ARHGAP27: variants seen among roughly 807,000 people sequenced by gnomAD.
ARHGAP27 encodes the protein rho GTPase-activating protein 27.
In ARHGAP27, 53 loss-of-function variants were observed where a neutral mutation model predicts 102.0. That is an observed-to-expected ratio of 0.52 (90% confidence interval 0.42 to 0.65). The LOEUF (loss-of-function observed/expected upper bound fraction) is 0.65. Among genes scored for constraint, ARHGAP27 ranks in the 30% least tolerant of loss-of-function variants. ARHGAP27 has a pLI of 0.00. For missense variants in ARHGAP27, 1,117 were observed against 1,256.2 expected (o/e 0.89, Z 1.68); for synonymous variants, 525 against 542.8 (o/e 0.97, Z 0.46).
At chr17:45,408,909 A>G (rs945041305) in intron 4 of ARHGAP27, 4 of 152,220 alleles carry the variant, frequency 2.6e-5, no homozygotes, top group African/African-American at 9.7e-5. Context: ...GAGCAAGACT[A>G]AGGATAATGT....
In ARHGAP27 at chr17:45,394,673, C is replaced by T. The variant is rs939906248; in HGVS notation, c.*783G>A. ...AGGAGCCTTTTCTGGGGAATGAGGT[C>T]ACTCACTGGACCTTGAGCAAGTCAC... On this transcript the variant is annotated 3_prime_UTR_variant, in exon 20 of 20. Transcript: ENST00000685559. The T allele has an allele frequency of 2.0e-5, 3 of 152,354 alleles. No homozygotes were observed. The highest frequency in any genetic ancestry group is 3.8e-4 in the East Asian group (2 of 5,204). The allele number at this position is 152,354 out of a possible 1,614,324, so 9.4% of individuals were successfully genotyped here.
chr17:45,404,641 T>C lies in ARHGAP27; in HGVS notation c.1289A>G (p.Tyr430Cys), dbSNP rs747027600. 1.8e-5 allele frequency: 29 copies of C among 1,613,074 alleles called. No homozygotes were observed. Among genetic ancestry groups the C allele is most frequent in the Non-Finnish European group, 2.4e-5 (28 of 1,179,754 alleles). ...TCGAACAGAGGAGTCCTCTGGATTG[T>C]AGAAGTATGGCTTCCCGTGGGGGTC... ...LEDPHGKPYFYNPEDSSVRWE... is the reference protein window; with the variant it reads ...LEDPHGKPYFCNPEDSSVRWE... Residue 430 changes from tyrosine (Y) to cysteine (C), a missense_variant, in exon 7 of 20, where the codon TAC becomes TGC. Transcript: ENST00000685559.
chr17:45,411,405 C>T (rs2047893904), intron 4 of ARHGAP27, among the ~76,000 whole-genome samples: 1 of 152,046 alleles, frequency 6.6e-6, no homozygotes, highest in South Asian at 2.1e-4. Context: ...CCCTTCCACT[C>T]TAGGCCCATT....
At chr17:45,397,895 C>A in intron 13 of ARHGAP27, 54 bp downstream of exon 13, 1 of 1,505,610 alleles carries the variant, frequency 6.6e-7, no homozygotes, top group Non-Finnish European at 9.1e-7. Context: ...GAGGGCCCCA[C>A]TCATAATGGC....
chr17:45,410,453 T>G, intron 4 of ARHGAP27: 46 of 1,176,302 alleles, frequency 3.9e-5, no homozygotes, highest in East Asian at 1.7e-4. Context: ...GCGGAAGTGC[T>G]GCCTGAGTTG....
chr17:45,405,022 G>C lies in ARHGAP27; in HGVS notation c.1150C>G (p.Pro384Ala), dbSNP rs2046962071. ...DYSPVGSFGE[P>A]GPTSPLTTPP... ...GTGGTCAAGGGAGAGGTAGGGCCGG[G>C]CTCACCGAAAGAGCCCACGGGAGAA... Residue 384 changes from proline to alanine, a missense_variant, in exon 6 of 20, where the codon CCC becomes GCC. Pro to Ala is a conservative substitution (Grantham distance 27). This residue lies in a region of ARHGAP27 where 610 missense variants were observed against 716.4 expected (regional missense o/e 0.85). Coordinates refer to ENST00000685559, the MANE Select transcript of ARHGAP27 (RefSeq NM_001282290.2). 7 of 1,613,954 alleles carry C rather than the reference G, an allele frequency of 4.3e-6. No homozygotes were observed. In the East Asian group the frequency reaches 1.6e-4, roughly 36 times the overall value.
intron 13 of ARHGAP27, 26 bp from the exon 14 acceptor site, chr17:45,397,050 C>CG (rs2045830785): frequency 6.3e-7 from 1 of 1,599,346 alleles, no homozygotes; most frequent in South Asian, 1.1e-5. Flanking sequence ...CTCAGAGAGG[C>CG]GGGGCCTTGA....
rs1567689907 is a variant in ARHGAP27 at position 45,396,901 on chromosome 17, C to A, written c.1951+15G>T. ...GGCCTCCTGGAGCCCCCACCCCATC[C>A]TGCCTTGCGCACACCTGCATTCGGT... On this transcript the variant is annotated intron_variant, in intron 14 of 19. Transcript: ENST00000685559. 1 of 1,607,048 alleles carries A rather than the reference C, an allele frequency of 6.2e-7. No individual in the cohort carries two copies. Among genetic ancestry groups the A allele is most frequent in the East Asian group, 2.2e-5 (1 of 44,896 alleles).
At chr17:45,422,756 ATC>A (rs1439791959) in intron 4 of ARHGAP27, among the ~76,000 whole-genome samples, 3 of 152,248 alleles carry the variant, frequency 2.0e-5, no homozygotes, top group Non-Finnish European at 4.4e-5. Flanking sequence ...AACATAACAC[ATC>A]TCTATCAGAA....
chr17:45,410,467 C>T (rs890155679), intron 4 of ARHGAP27: 3 of 434,782 alleles, frequency 6.9e-6, no homozygotes, highest in African/African-American at 6.6e-5. Flanking sequence ...TGAGTTGGGG[C>T]GGGTGGGGTG....
chr17:45,417,503 ACACCTGTAATCCCAG>A (rs2048585593), intron 4 of ARHGAP27, among the ~76,000 whole-genome samples: 1 of 151,936 alleles, frequency 6.6e-6, no homozygotes, highest in African/African-American at 2.4e-5. Flanking sequence ...ATGGTGGCTC[ACACCTGTAATCCCAG>A]CACCTTGGGA....
Position 45,430,696 on chromosome 17 carries a change from G to A in ARHGAP27, c.-18-399C>T, listed in dbSNP as rs1385056460. Among the ~76,000 whole-genome samples the A allele has an allele frequency of 1.3e-5, 2 of 152,194 alleles. No individual in the cohort carries two copies. Among genetic ancestry groups the A allele is most frequent in the Non-Finnish European group, 1.5e-5 (1 of 68,032 alleles). On this transcript the variant is annotated intron_variant, in intron 3 of 19. Transcript: ENST00000685559. This position sits in a 1 kb window ranked among gnomAD's most constrained non-coding sequence, Gnocchi z 4.4. ...TGCGCCTTAGTTTTCCGTCAGTCAA[G>A]TAGGAAGAACACCCCATTTACTGCC...
intron 5 of ARHGAP27, 24 bp downstream of exon 5, chr17:45,405,652 G>T: frequency 1.3e-6 from 2 of 1,557,678 alleles, no homozygotes; most frequent in Non-Finnish European, 1.7e-6. Context: ...AGGTAGAACC[G>T]CCCACTCTGG....
chr17:45,404,863 G>A, intron 6 of ARHGAP27, 61 bp downstream of exon 6: 1 of 1,610,408 alleles, frequency 6.2e-7, no homozygotes, highest in Non-Finnish European at 8.5e-7. Flanking sequence ...CGACCTATTA[G>A]TGAGGAAGGT....
chr17:45,413,766 C>G (rs1189361182), intron 4 of ARHGAP27, among the ~76,000 whole-genome samples: 1 of 152,104 alleles, frequency 6.6e-6, no homozygotes, highest in Admixed American at 6.5e-5. Context: ...CTAAGTAAGG[C>G]TGGCAGACAC....
rs1301613895 is a variant in ARHGAP27, at chr17:45,404,260, G to C, written c.1479+9C>G. 3 of 1,613,696 alleles carry C rather than the reference G, an allele frequency of 1.9e-6. No homozygotes were observed. Among genetic ancestry groups the C allele is most frequent in the African/African-American group, 1.3e-5 (1 of 74,906 alleles). On this transcript the variant is annotated intron_variant, in intron 9 of 19. Transcript: ENST00000685559. ...CACCACCTGGCTGGGGGTAGGGGGT[G>C]ATGCCTACCCTCACAGCAGCTGTGG...
At chr17:45,396,150 A>G (rs1242439510) in intron 17 of ARHGAP27, 33 bp from the exon 18 acceptor site, 1 of 1,599,880 alleles carries the variant, frequency 6.3e-7, no homozygotes, top group East Asian at 2.2e-5. Context: ...GACGGAAGGG[A>G]AATCAGTACC....
rs1249132810 is a variant in ARHGAP27 at position 45,431,610 on chromosome 17, A to C, written c.-19+11T>G. 1 of 175,140 alleles carries C rather than the reference A, an allele frequency of 5.7e-6. No individual in the cohort carries two copies. Among genetic ancestry groups the C allele is most frequent in the Non-Finnish European group, 1.2e-5 (1 of 81,836 alleles). The allele number at this position is 175,140 out of a possible 1,614,324, so 10.8% of individuals were successfully genotyped here. On this transcript the variant is annotated intron_variant, in intron 3 of 19. Coordinates refer to ENST00000685559, the MANE Select transcript of ARHGAP27 (RefSeq NM_001282290.2). Reference sequence around the variant, plus strand: ...GGCGCCCCCTCCCCTTGGACCCCGCAGCGCACTCACGTCGGCTGGGCGGGC... The same window carrying C: ...GGCGCCCCCTCCCCTTGGACCCCGCCGCGCACTCACGTCGGCTGGGCGGGC...
Position 45,405,730 on chromosome 17 carries a change from C to T in ARHGAP27, c.1011G>A (p.Glu337=). Reference sequence around the variant, plus strand: ...GGCCCGGCTGCATCTCCAACTCCTCCTCGGGCTCGTTCTCGGCCTCGTCCT... The same window carrying T: ...GGCCCGGCTGCATCTCCAACTCCTCTTCGGGCTCGTTCTCGGCCTCGTCCT... ...AWEDEAENEP[E]EELEMQPGLS... The change falls in exon 5 of 20, where the codon GAG becomes GAA. Residue 337 remains glutamate, a synonymous_variant. Transcript: ENST00000685559. 2.5e-6 allele frequency: 4 copies of T among 1,603,078 alleles called. No individual in the cohort carries two copies. The highest frequency in any genetic ancestry group is 1.7e-4 in the Middle Eastern group (1 of 6,058).
Sources: gnomAD v4.1 joint callset for allele counts (sites outside exome capture counted in the v4.1 genomes callset) on GRCh38, gnomAD v4.1.1 for gene constraint, gnomAD v4.1.1 regional missense constraint, Gnocchi (gnomAD v3.1) non-coding constraint, MANE v1.5 for transcripts, NCBI Gene and HGNC (gene_info 2026-07-23, HGNC 2026-07-21) for gene names.